ERICH3: variants seen among roughly 807,000 people sequenced by gnomAD.
ERICH3 encodes glutamate rich 3, also known as glutamate-rich protein 3.
ERICH3 carries 126 observed loss-of-function variants against 131.1 expected under a neutral mutation model. The ratio of observed to expected loss-of-function variants is 0.96; its 90% CI spans 0.83 to 1.11. ERICH3 has a LOEUF of 1.11. Among genes scored for constraint, ERICH3 ranks in the 50% most tolerant of loss-of-function variants. The pLI is 0.00. For missense variants in ERICH3, 2,050 were observed against 1,810.7 expected, an observed-to-expected ratio of 1.13 and a Z score of -2.40; for synonymous variants, 695 against 644.6, an observed-to-expected ratio of 1.08 and a Z score of -1.18.
intron 10 of ERICH3, 95 bp downstream of exon 10, chr1:74,606,506 A>G: frequency 7.6e-7 from 1 of 1,317,278 alleles, no homozygotes; most frequent in Non-Finnish European, 1.0e-6. Flanking sequence ...GCTGGGTAAC[A>G]TTTAATGGGT....
chr1:74,593,003 A>G (rs1463662332), intron 11 of ERICH3, among the ~76,000 whole-genome samples: 1 of 152,144 alleles, frequency 6.6e-6, no homozygotes, highest in Non-Finnish European at 1.5e-5. Flanking sequence ...GGAGGGAAAA[A>G]TTATCTTGGA....
intron 1 of ERICH3, among the ~76,000 whole-genome samples, chr1:74,657,312 CAG>C (rs1230707401): frequency 3.3e-5 from 5 of 152,126 alleles, no homozygotes; most frequent in African/African-American, 1.2e-4. Context: ...CCCAGGGAGG[CAG>C]AAAAGTATAT....
chr1:74,590,002 T>C lies in ERICH3; in HGVS notation c.1805A>G (p.Asp602Gly). The C allele has an allele frequency of 6.2e-7, 1 of 1,613,816 alleles. No homozygotes were observed. Among genetic ancestry groups the C allele is most frequent in the Non-Finnish European group, 8.5e-7 (1 of 1,179,868 alleles). ...SDSEDESAVG[D>G]REAHTDSSTD... ...GCTGCTGTCAGTGTGGGCTTCCCTGTCCCCCACTGCAGATTCATCCTCACT... is the reference window on the plus strand; with the variant it reads ...GCTGCTGTCAGTGTGGGCTTCCCTGCCCCCCACTGCAGATTCATCCTCACT... The change falls in exon 12 of 15, where the codon GAC (aspartate) becomes GGC (glycine). Residue 602 changes from aspartate to glycine, a missense_variant. Physicochemically the swap from Asp to Gly is moderately conservative, Grantham distance 94. Transcript: ENST00000326665.
chr1:74,641,344 C>G lies in ERICH3; in HGVS notation c.431G>C (p.Ser144Thr), dbSNP rs1402052532. Residue 144 changes from serine to threonine, a missense_variant, in exon 5 of 15, where the codon AGT (serine) becomes ACT (threonine). Ser to Thr is a moderately conservative substitution (Grantham distance 58, BLOSUM62 1). Transcript: ENST00000326665. ...AATATTACTCACCAGTGCTAACGGA[C>G]TGGAATGTCCTTCATCAACCAGAAC... ...HSVLVDEGHS[S>T]PLALTAPRPY... is the part of the protein sequence containing the mutation. The G allele has an allele frequency of 4.3e-6, 7 of 1,612,450 alleles. No homozygotes were observed. The African/African-American group carries it at 9.4e-5, about 22-fold the overall frequency.
At chr1:74,579,229 T>A (rs570349556) in intron 12 of ERICH3, among the ~76,000 whole-genome samples, 1 of 152,168 alleles carries the variant, frequency 6.6e-6, no homozygotes, top group East Asian at 1.9e-4. Context: ...GGCAATTACA[T>A]GAAGCTTCAT....
intron 11 of ERICH3, among the ~76,000 whole-genome samples, chr1:74,598,335 A>G (rs1291077833): frequency 6.6e-6 from 1 of 151,932 alleles, no homozygotes; most frequent in African/African-American, 2.4e-5. Flanking sequence ...GGGATTAAGT[A>G]TCTGAATTAA....
At chr1:74,665,762 A>T (rs753946834) in intron 1 of ERICH3, among the ~76,000 whole-genome samples, 4 of 152,092 alleles carry the variant, frequency 2.6e-5, no homozygotes, top group African/African-American at 9.7e-5. Context: ...GGCCTGATTT[A>T]ACCTTAATTA....
intron 1 of ERICH3, among the ~76,000 whole-genome samples, chr1:74,659,715 A>G (rs936433715): frequency 3.9e-5 from 6 of 152,180 alleles, no homozygotes; most frequent in African/African-American, 1.4e-4. Context: ...TATGTATCAG[A>G]TTATTATCCC....
intron 1 of ERICH3, among the ~76,000 whole-genome samples, chr1:74,667,122 A>G (rs1392209871): frequency 2.0e-5 from 3 of 152,142 alleles, no homozygotes; most frequent in Non-Finnish European, 4.4e-5. Context: ...GCATAAATAT[A>G]TATCTGTTCA....
intron 7 of ERICH3, chr1:74,625,966 A>G (rs1649401296): frequency 2.0e-5 from 3 of 152,194 alleles, no homozygotes; most frequent in South Asian, 4.1e-4. Context: ...AGTATAAAAT[A>G]TTCATTGAAT....
At chr1:74,614,479 A>C (rs921612306) in intron 8 of ERICH3, among the ~76,000 whole-genome samples, 42 of 151,664 alleles carry the variant, frequency 2.8e-4, no homozygotes, top group Non-Finnish European at 3.7e-4. Flanking sequence ...GATAGAGACC[A>C]TCCTGGCTAA....
chr1:74,660,535 C>T (rs778754819), intron 1 of ERICH3, among the ~76,000 whole-genome samples: 37 of 150,060 alleles, frequency 2.5e-4, no homozygotes, highest in Admixed American at 9.3e-4. Flanking sequence ...CTTTAAACTA[C>T]CATCCATTGA....
At chr1:74,656,852 C>T (rs1646589571) in intron 1 of ERICH3, among the ~76,000 whole-genome samples, 1 of 152,152 alleles carries the variant, frequency 6.6e-6, no homozygotes, top group South Asian at 2.1e-4. Context: ...GGGTCCTTGT[C>T]TCACCACCTT....
chr1:74,628,619 T>A (rs995453708), intron 7 of ERICH3, among the ~76,000 whole-genome samples: 2 of 151,974 alleles, frequency 1.3e-5, no homozygotes, highest in Non-Finnish European at 2.9e-5. Context: ...AAAGTTTATA[T>A]ACAAATTTTC....
At chr1:74,639,938 AATGGGACCT>A (rs1414197522) in intron 5 of ERICH3, among the ~76,000 whole-genome samples, 4 of 152,168 alleles carry the variant, frequency 2.6e-5, no homozygotes, top group Non-Finnish European at 5.9e-5. Flanking sequence ...ATTTCTGTAA[AATGGGACCT>A]ATTTAATTCC....
chr1:74,576,701 C>A (rs914181877), intron 13 of ERICH3, among the ~76,000 whole-genome samples, 194 bp downstream of exon 13: 3 of 151,864 alleles, frequency 2.0e-5, no homozygotes, highest in Admixed American at 2.0e-4. Context: ...ATAATGTGAC[C>A]ATATGATGAA....
chr1:74,606,533 A>G (rs1351830273), intron 10 of ERICH3, 68 bp downstream of exon 10: 9 of 1,471,368 alleles, frequency 6.1e-6, no homozygotes, highest in Non-Finnish European at 8.3e-6. Flanking sequence ...GAAAATTTTG[A>G]TCATCACATT....
At chr1:74,637,912 G>GAA (rs112478484) in intron 5 of ERICH3, among the ~76,000 whole-genome samples, 60 of 136,506 alleles carry the variant, frequency 4.4e-4, no homozygotes, top group African/African-American at 1.1e-3. Flanking sequence ...TGCTGTCTCA[G>GAA]AAAAAAAAAA....
At chr1:74,667,087 T>C (rs561989290) in intron 1 of ERICH3, among the ~76,000 whole-genome samples, 1 of 144,410 alleles carries the variant, frequency 6.9e-6, no homozygotes, top group Non-Finnish European at 1.6e-5. Context: ...TGAATATGTT[T>C]ACCTTAAATT....
Sources: gnomAD v4.1 joint callset for allele counts (sites outside exome capture counted in the v4.1 genomes callset) on GRCh38, gnomAD v4.1.1 for gene constraint, MANE v1.5 for transcripts, NCBI Gene and HGNC (gene_info 2026-07-23, HGNC 2026-07-21) for gene names.